The following NPAS3 variants were observed in gnomAD, a reference collection of about 807,000 sequenced individuals.
NPAS3 encodes the protein neuronal PAS domain protein 3, also known as neuronal PAS domain-containing protein 3.
In NPAS3, 14 loss-of-function variants were observed where a neutral mutation model predicts 73.1. That is an observed-to-expected ratio of 0.19 (90% CI 0.13 to 0.30). The LOEUF is 0.30. NPAS3 is among the 10% of genes least tolerant of loss of function. The pLI is 1.00. For synonymous variants in NPAS3, 620 were observed against 541.5 expected, an observed-to-expected ratio of 1.14 and a Z score of -2.01; for missense variants, 1,096 against 1,250.0, an observed-to-expected ratio of 0.88 and a Z score of 1.86.
At chr14:33,279,023 G>GT (rs1448941857) in intron 3 of NPAS3, among the ~76,000 whole-genome samples, 1 of 152,116 alleles carries the variant, frequency 6.6e-6, no homozygotes, top group East Asian at 1.9e-4. Flanking sequence ...TTATTCCTAT[G>GT]TAAAAGTACC....
chr14:33,552,264 C>A (rs973187876), intron 4 of NPAS3, among the ~76,000 whole-genome samples: 3 of 152,124 alleles, frequency 2.0e-5, no homozygotes, highest in African/African-American at 4.8e-5. Context: ...ACTAAAATAC[C>A]CAGCAGGTGG....
chr14:33,146,166 T>C (rs2044230924), intron 2 of NPAS3, among the ~76,000 whole-genome samples: 1 of 152,220 alleles, frequency 6.6e-6, no homozygotes, highest in South Asian at 2.1e-4. Flanking sequence ...TTTCTATATT[T>C]GTGACTAATT....
At chr14:33,136,064 T>C (rs184462665) in intron 2 of NPAS3, among the ~76,000 whole-genome samples, 3,240 of 138,212 alleles carry the variant, frequency 0.023, 52 homozygotes, top group Middle Eastern at 0.042. Flanking sequence ...TTTTCTTTTT[T>C]TTTTTTTTTT....
At chr14:33,717,998 G>GT (rs1334945585) in intron 6 of NPAS3, among the ~76,000 whole-genome samples, 1 of 130,862 alleles carries the variant, frequency 7.6e-6, no homozygotes, top group Non-Finnish European at 1.9e-5. Context: ...TTTTGTAATG[G>GT]GTTTTTTTTT....
chr14:33,594,002 T>G (rs1334922616), intron 5 of NPAS3, among the ~76,000 whole-genome samples: 13 of 152,204 alleles, frequency 8.5e-5, no homozygotes, highest in Non-Finnish European at 1.3e-4. Context: ...TCCATTAGAC[T>G]AGGGTATCTT....
At chr14:33,321,240 T>A (rs2043433412) in intron 3 of NPAS3, among the ~76,000 whole-genome samples, 1 of 152,080 alleles carries the variant, frequency 6.6e-6, no homozygotes, top group Non-Finnish European at 1.5e-5. Flanking sequence ...TCAAAATAAC[T>A]TCAAGGCAAG....
intron 2 of NPAS3, among the ~76,000 whole-genome samples, chr14:33,153,059 T>C (rs2044515227): frequency 6.6e-6 from 1 of 152,148 alleles, no homozygotes; most frequent in Non-Finnish European, 1.5e-5. Flanking sequence ...TTTTAGTTTT[T>C]AAAACCTTTT....
At chr14:32,938,275 G>A (rs1401010523), upstream of NPAS3, among the ~76,000 whole-genome samples, 1 of 152,056 alleles carries the variant, frequency 6.6e-6, no homozygotes, top group East Asian at 1.9e-4. Flanking sequence ...ATTGATTTCC[G>A]CTGCCCCCAA....
At chr14:33,656,645 C>T (rs2059153192) in intron 5 of NPAS3, among the ~76,000 whole-genome samples, 2 of 152,146 alleles carry the variant, frequency 1.3e-5, no homozygotes, top group Admixed American at 6.6e-5. Context: ...TCATAATGAA[C>T]TTAGTGAACT....
chr14:33,237,447 G>A (rs2139810793), intron 3 of NPAS3, among the ~76,000 whole-genome samples: 1 of 152,064 alleles, frequency 6.6e-6, no homozygotes, highest in East Asian at 1.9e-4. Flanking sequence ...TAAATGGATA[G>A]CAATTTACAC....
At chr14:32,943,111 A>G (rs2036094152) in intron 1 of NPAS3, among the ~76,000 whole-genome samples, 1 of 152,216 alleles carries the variant, frequency 6.6e-6, no homozygotes, top group Non-Finnish European at 1.5e-5. Context: ...CAATATGCCA[A>G]TCACTAGATT....
chr14:33,355,065 T>C (rs1483271621), intron 3 of NPAS3, among the ~76,000 whole-genome samples: 4 of 152,154 alleles, frequency 2.6e-5, no homozygotes, highest in African/African-American at 7.2e-5. Flanking sequence ...GGGCCATTTG[T>C]GACTGGGCCC....
rs2046314386 is a variant in NPAS3, at chr14:33,376,411, C to G, written c.468+9143C>G. Among the ~76,000 whole-genome samples, 4 of 152,250 alleles carry G rather than the reference C, an allele frequency of 2.6e-5. No individual in the cohort carries two copies. In the South Asian group the frequency reaches 6.2e-4, roughly 24 times the overall value. On this transcript the variant is annotated intron_variant, in intron 4 of 11. Coordinates refer to ENST00000356141, the Ensembl canonical transcript of NPAS3. ...GCTCATCAAACTTTTCTCTGAAAAG[C>G]TCAAATTCTACTAAATTCAGTATAT...
At chr14:33,312,537 G>A (rs917012805) in intron 3 of NPAS3, among the ~76,000 whole-genome samples, 4 of 152,012 alleles carry the variant, frequency 2.6e-5, no homozygotes, top group African/African-American at 9.6e-5. Flanking sequence ...TGCAACATTG[G>A]GTTGTCATTT....
At chr14:33,649,809 C>G (rs887218435) in intron 5 of NPAS3, among the ~76,000 whole-genome samples, 11 of 152,138 alleles carry the variant, frequency 7.2e-5, no homozygotes, top group African/African-American at 2.4e-4. Flanking sequence ...GAATACAGCA[C>G]TGGGGATGAC....
At chr14:33,625,798 G>C (rs1021724321) in intron 5 of NPAS3, among the ~76,000 whole-genome samples, 1 of 152,102 alleles carries the variant, frequency 6.6e-6, no homozygotes, top group African/African-American at 2.4e-5. Flanking sequence ...TAACATTTGG[G>C]TATAAAGAAT....
chr14:33,424,848 A>G (rs964232321), intron 4 of NPAS3, among the ~76,000 whole-genome samples: 1 of 151,998 alleles, frequency 6.6e-6, no homozygotes, highest in Non-Finnish European at 1.5e-5. Context: ...CAGGGGGATT[A>G]GTGAACAGAT....
chr14:33,226,068 A>G (rs746946649), intron 3 of NPAS3, among the ~76,000 whole-genome samples: 13 of 152,224 alleles, frequency 8.5e-5, no homozygotes, highest in Non-Finnish European at 1.6e-4. Context: ...ATAGATGTAT[A>G]TGCATTGTGT....
At chr14:33,521,038 G>T (rs2053533098) in intron 4 of NPAS3, among the ~76,000 whole-genome samples, 1 of 152,102 alleles carries the variant, frequency 6.6e-6, no homozygotes. Context: ...TTTTTCCTGT[G>T]CAAGACCAAT....
Sources: gnomAD v4.1 joint callset for allele counts (sites outside exome capture counted in the v4.1 genomes callset) on GRCh38, gnomAD v4.1.1 for gene constraint, MANE v1.5 for transcripts, NCBI Gene and HGNC (gene_info 2026-07-23, HGNC 2026-07-21) for gene names.